GNL2: variants seen among roughly 807,000 people sequenced by gnomAD.
The protein encoded by GNL2 is G protein nucleolar 2, also known as nucleolar GTP-binding protein 2.
GNL2 carries 51 observed loss-of-function variants against 92.3 expected under a neutral mutation model. The observed-to-expected ratio is 0.55, with a 90% confidence interval of 0.44 to 0.70. GNL2 has a LOEUF of 0.70. Ranked by LOEUF, GNL2 falls within the 30% of genes least tolerant of loss-of-function variation. The pLI is 0.00. For missense variants in GNL2, 844 were observed against 895.6 expected (o/e 0.94, Z 0.74); for synonymous variants, 283 against 300.6 (o/e 0.94, Z 0.61).
chr1:37,574,485 A>C (rs780286834), intron 11 of GNL2, 29 bp from the exon 12 acceptor site: 1 of 1,582,282 alleles, frequency 6.3e-7, no homozygotes, highest in South Asian at 1.1e-5. Context: ...ATTCCCAATT[A>C]AATTCAAAGG....
intron 6 of GNL2, 149 bp downstream of exon 6, chr1:37,583,718 C>T (rs556871773): frequency 7.3e-5 from 41 of 558,102 alleles, no homozygotes; most frequent in East Asian, 2.8e-4. Flanking sequence ...GTACGCCTTC[C>T]GAGTTTCTTT....
chr1:37,572,337 C>A (rs1222657437), intron 12 of GNL2, among the ~76,000 whole-genome samples: 1 of 152,158 alleles, frequency 6.6e-6, no homozygotes, highest in Non-Finnish European at 1.5e-5. Context: ...TTCCACCACA[C>A]CTGAGTTTAT....
intron 6 of GNL2, chr1:37,583,207 C>T (rs1643800000): frequency 8.0e-6 from 2 of 250,766 alleles, no homozygotes; most frequent in Non-Finnish European, 1.5e-5. Context: ...GATTATTGAA[C>T]TAAATCATTT....
At position 37,569,156 on chromosome 1, in the gene GNL2, C is replaced by A. The variant is rs1557636575; in HGVS notation, c.1563G>T (p.Glu521Asp). Residue 521 changes from glutamate to aspartate, a missense_variant, in exon 13 of 16, where the codon GAG becomes GAT. Physicochemically the swap from Glu to Asp is conservative, Grantham distance 45 (BLOSUM62 2). Transcript: ENST00000373062. ...GAACTCGTGTGAGAATCTGCTGCAT[C>A]TCTGTGTTAGCATCACAGTGACTGT... The part of the protein sequence containing the change: ...EENSHCDANT[E>D]MQQILTRVRQ... 6.2e-7 allele frequency: 1 copy of A among 1,614,078 alleles called. No homozygotes were observed. The highest frequency in any genetic ancestry group is 8.5e-7 in the Non-Finnish European group (1 of 1,180,040).
Position 37,590,702 on chromosome 1 carries a change from T to C in GNL2, c.384+4A>G. ...TCCATCACCAGGGATATCCTACATCTTACATGAGGCCGGATTCGATCATGG... is the reference window on the plus strand; with the variant it reads ...TCCATCACCAGGGATATCCTACATCCTACATGAGGCCGGATTCGATCATGG... On this transcript the variant is annotated splice_donor_region_variant and intron_variant, in intron 4 of 15. Coordinates refer to ENST00000373062, the MANE Select transcript of GNL2 (RefSeq NM_013285.3). 6.2e-7 allele frequency: 1 copy of C among 1,612,512 alleles called. No individual in the cohort carries two copies. Among genetic ancestry groups the C allele is most frequent in the Non-Finnish European group, 8.5e-7 (1 of 1,178,558 alleles).
At chr1:37,581,648 CA>C (rs1643769462) in intron 8 of GNL2, 2 of 382,924 alleles carry the variant, frequency 5.2e-6, no homozygotes, top group South Asian at 3.7e-5. Context: ...TGAGTTTTTA[CA>C]TCTCTGGAAG....
rs188740235 is a variant in GNL2, at chr1:37,592,858, C to T, written c.150-52G>A. The T allele has an allele frequency of 5.5e-3, 5,529 of 998,262 alleles. 26 individuals are homozygous for T. Among genetic ancestry groups the T allele is most frequent in the Non-Finnish European group, 6.8e-3 (4,244 of 623,476 alleles). 61.8% of individuals were successfully genotyped at this position (998,262 alleles called of 1,614,324 possible). On this transcript the variant is annotated intron_variant, in intron 2 of 15. Transcript: ENST00000373062. The stretch of plus-strand genomic sequence containing the variant: ...GTTGACAACAGAAAAATGGCAACAG[C>T]GAAGTTTGATTTACAGAATATATTT...
At chr1:37,573,538 C>T (rs1643627835) in intron 12 of GNL2, among the ~76,000 whole-genome samples, 1 of 152,256 alleles carries the variant, frequency 6.6e-6, no homozygotes, top group African/African-American at 2.4e-5. Context: ...TCTCCTTTCC[C>T]ACTGGATCAC....
intron 5 of GNL2, 80 bp from the exon 6 acceptor site, chr1:37,584,013 CA>C (rs1169292313): frequency 7.7e-5 from 63 of 822,036 alleles, no homozygotes; most frequent in South Asian, 1.3e-4. Flanking sequence ...GTCAATGTAC[CA>C]AAAAAAACAG....
rs186088405 is a variant in GNL2, at chr1:37,579,725, G to A, written c.909+2498C>T. On this transcript the variant is annotated intron_variant, in intron 8 of 15. Transcript: ENST00000373062. Reference sequence around the variant, plus strand: ...ATCCTGGCTAACATGGTGAAAACCCGTCTCTACTAAAAATACAAAAATTAG... The same window carrying A: ...ATCCTGGCTAACATGGTGAAAACCCATCTCTACTAAAAATACAAAAATTAG... Among the ~76,000 whole-genome samples, 1,415 of 151,048 alleles carry A rather than the reference G, an allele frequency of 9.4e-3. 12 individuals are homozygous for A. The highest frequency in any genetic ancestry group is 0.016 in the Non-Finnish European group (1,117 of 67,746).
chr1:37,592,801 C>T lies in GNL2; in HGVS notation c.155G>A (p.Ser52Asn). 7 of 1,586,586 alleles carry T rather than the reference C, an allele frequency of 4.4e-6. No homozygotes were observed. Among genetic ancestry groups the T allele is most frequent in the Non-Finnish European group, 6.1e-6 (7 of 1,155,020 alleles). Residue 52 changes from serine (S) to asparagine (N), a missense_variant, in exon 3 of 16, where the codon AGT (serine) becomes AAT (asparagine). By Grantham distance (46) the Ser-to-Asn change is conservative. Transcript: ENST00000373062. The part of the protein sequence containing the change: ...NMYRQKERRN[S>N]RGKIIKPLQY... Reference sequence around the variant, plus strand: ...CAGGGGTTTAATTATTTTACCACGACTGTTCCTAAATTGAGGAAAGAACAG... The same window carrying T: ...CAGGGGTTTAATTATTTTACCACGATTGTTCCTAAATTGAGGAAAGAACAG...
intron 3 of GNL2, among the ~76,000 whole-genome samples, chr1:37,592,509 C>G (rs1311438759): frequency 6.6e-6 from 1 of 152,174 alleles, no homozygotes; most frequent in Non-Finnish European, 1.5e-5. Flanking sequence ...ATTACAATTA[C>G]TAATGGTGAG....
rs1164225360 is a variant in GNL2 at position 37,568,929 on chromosome 1, A to G, written c.1790T>C (p.Ile597Thr). ...ENVGNDTKAV[I>T]KALDEKIAKY... ...GGCAATCTTCTCATCCAGTGCTTTAATAACGGCTTTGGTGTCGTTTCCCAC... is the reference window on the plus strand; with the variant it reads ...GGCAATCTTCTCATCCAGTGCTTTAGTAACGGCTTTGGTGTCGTTTCCCAC... The change falls in exon 13 of 16, where the codon ATT (isoleucine) becomes ACT (threonine). Residue 597 changes from isoleucine to threonine, a missense_variant. Transcript: ENST00000373062. 1.2e-6 allele frequency: 2 copies of G among 1,614,076 alleles called. No individual in the cohort carries two copies. The highest frequency in any genetic ancestry group is 1.7e-6 in the Non-Finnish European group (2 of 1,180,028).
chr1:37,590,845 C>A lies in GNL2; in HGVS notation c.245G>T (p.Gly82Val). ...TGACTGCTTAATCACACGTGTGTTT[C>A]CTGTTTTACAAATAAAGAATGTTGC... ...ARVEPNIKWF[G>V]NTRVIKQSSL... Residue 82 changes from glycine to valine, a missense_variant and splice_region_variant, in exon 4 of 16, where the codon GGA (glycine) becomes GTA (valine). Coordinates refer to ENST00000373062, the MANE Select transcript of GNL2 (RefSeq NM_013285.3). The A allele has an allele frequency of 6.4e-7, 1 of 1,557,802 alleles. No homozygotes were observed. Among genetic ancestry groups the A allele is most frequent in the South Asian group, 1.2e-5 (1 of 83,596 alleles).
intron 8 of GNL2, 60 bp from the exon 9 acceptor site, chr1:37,576,616 T>A: frequency 6.5e-7 from 1 of 1,529,544 alleles, no homozygotes. Context: ...TTTGGACAAG[T>A]AGGTTGTATT....
Position 37,566,819 on chromosome 1 carries a change from C to T in GNL2, c.*36G>A, listed in dbSNP as rs145404846. 3.6e-4 allele frequency: 572 copies of T among 1,588,724 alleles called. 3 individuals carry two copies. The African/African-American group carries it at 6.7e-3, about 19-fold the overall frequency. ...GGAAGAAAACACAATTTCTAACTGC[C>T]TGTTTTTGTATAATTTAATAAAAAC... On this transcript the variant is annotated 3_prime_UTR_variant, in exon 16 of 16. Transcript: ENST00000373062.
At chr1:37,574,542 T>C (rs547534021) in intron 11 of GNL2, 86 bp from the exon 12 acceptor site, 1 of 1,396,798 alleles carries the variant, frequency 7.2e-7, no homozygotes, top group African/African-American at 1.4e-5. Context: ...GTCCCAGGGG[T>C]TCATCATCAC....
intron 8 of GNL2, among the ~76,000 whole-genome samples, chr1:37,576,887 G>A (rs561776238): frequency 7.2e-5 from 11 of 152,262 alleles, no homozygotes; most frequent in Admixed American, 1.3e-4. Flanking sequence ...CAAGGAGAGC[G>A]GATCACCTGA....
chr1:37,571,060 G>A (rs1332395613), intron 12 of GNL2, among the ~76,000 whole-genome samples: 2 of 152,118 alleles, frequency 1.3e-5, no homozygotes, highest in Non-Finnish European at 2.9e-5. Context: ...ATTTTTCTAG[G>A]AAGGGCAATT....
Sources: allele counts gnomAD v4.1 joint callset (sites outside exome capture counted in the v4.1 genomes callset), GRCh38; gene constraint gnomAD v4.1.1; transcripts MANE v1.5; gene names NCBI Gene and HGNC (gene_info 2026-07-23, HGNC 2026-07-21).